DNAJC15: variants seen among roughly 807,000 people sequenced by gnomAD.
The protein encoded by DNAJC15 is DnaJ heat shock protein family (Hsp40) member C15, also known as dnaJ homolog subfamily C member 15.
A neutral mutation model predicts 22.4 loss-of-function variants in DNAJC15; 27 were observed. The observed-to-expected ratio is 1.20, with a 90% CI of 0.89 to 1.66. DNAJC15 has a LOEUF of 1.66. Ranked by LOEUF, DNAJC15 falls within the 40% of genes most tolerant of loss-of-function variation. DNAJC15 has a pLI of 0.00. For missense variants in DNAJC15, 208 were observed against 187.1 expected, an observed-to-expected ratio of 1.11 and a Z score of -0.65; for synonymous variants, 79 against 63.2, an observed-to-expected ratio of 1.25 and a Z score of -1.19.
intron 2 of DNAJC15, 41 bp from the exon 3 acceptor site, chr13:43,068,882 ATTTTGAT>A: frequency 1.3e-6 from 2 of 1,531,924 alleles, no homozygotes; most frequent in Non-Finnish European, 1.8e-6. Flanking sequence ...GTGTTGATTG[ATTTTGAT>A]TATAGAAAAT....
At chr13:43,040,250 T>C (rs1272762133) in intron 1 of DNAJC15, among the ~76,000 whole-genome samples, 2 of 152,228 alleles carry the variant, frequency 1.3e-5, no homozygotes, top group African/African-American at 2.4e-5. Flanking sequence ...AGCAAAGATA[T>C]AGAGCCTGCT....
At chr13:43,039,235 T>G (rs1421123160) in intron 1 of DNAJC15, among the ~76,000 whole-genome samples, 2 of 152,196 alleles carry the variant, frequency 1.3e-5, no homozygotes, top group African/African-American at 4.8e-5. Context: ...AATGTGGGTT[T>G]TGGCTAATGT....
chr13:43,075,297 C>A (rs1260154211), intron 3 of DNAJC15, among the ~76,000 whole-genome samples: 1 of 152,126 alleles, frequency 6.6e-6, no homozygotes, highest in Non-Finnish European at 1.5e-5. Flanking sequence ...TCTACCTGGG[C>A]AAAACTGAAA....
At chr13:43,041,093 TGTC>T (rs1304749957) in intron 1 of DNAJC15, among the ~76,000 whole-genome samples, 1 of 152,060 alleles carries the variant, frequency 6.6e-6, no homozygotes, top group African/African-American at 2.4e-5. Context: ...CCTTTACAGG[TGTC>T]GGGCTGGGGG....
At chr13:43,093,278 A>G (rs1215382507) in intron 5 of DNAJC15, among the ~76,000 whole-genome samples, 3 of 152,092 alleles carry the variant, frequency 2.0e-5, no homozygotes, top group Non-Finnish European at 2.9e-5. Flanking sequence ...TTTGAATGCC[A>G]TACATTTTGT....
rs57085120 is a variant in DNAJC15, at chr13:43,107,524, TACAC to T, written c.*305_*308del. On this transcript the variant is annotated 3_prime_UTR_variant, in exon 6 of 6. Coordinates refer to ENST00000379221, the MANE Select transcript of DNAJC15 (RefSeq NM_013238.3). Reference sequence around the variant, plus strand: ...TTTTGTTATGTTCTGAATTCCCCCCTACACACACACACACACACACACACACACA... The same window carrying T: ...TTTTGTTATGTTCTGAATTCCCCCCTACACACACACACACACACACACACA... The T allele has an allele frequency of 0.17, 26,946 of 161,398 alleles. 2,197 individuals are homozygous for T. The highest frequency in any genetic ancestry group is 0.25 in the East Asian group (1,533 of 6,128). The allele number at this position is 161,398 out of a possible 1,614,324, so 10.0% of individuals were successfully genotyped here. A position where few individuals can be genotyped will look rare whatever the true frequency, so the allele number is the denominator to read the frequency against.
intron 5 of DNAJC15, among the ~76,000 whole-genome samples, chr13:43,091,524 A>G (rs771726803): frequency 3.3e-5 from 5 of 152,156 alleles, no homozygotes; most frequent in Non-Finnish European, 7.3e-5. Flanking sequence ...ATGGGTTCAT[A>G]ATATCTTCTT....
At chr13:43,046,883 G>C (rs898980148) in intron 1 of DNAJC15, among the ~76,000 whole-genome samples, 3 of 147,870 alleles carry the variant, frequency 2.0e-5, no homozygotes, top group African/African-American at 8.0e-5. Context: ...GGTGCACATT[G>C]CCGCACCTGA....
chr13:43,034,305 C>CT (rs753362468), intron 1 of DNAJC15, among the ~76,000 whole-genome samples: 2,137 of 60,570 alleles, frequency 0.035, 721 homozygotes, highest in African/African-American at 0.13. Flanking sequence ...GAGATTTGTC[C>CT]TTTTTTTTTT....
At chr13:43,079,289 A>G (rs963169062) in intron 4 of DNAJC15, among the ~76,000 whole-genome samples, 1 of 152,320 alleles carries the variant, frequency 6.6e-6, no homozygotes, top group South Asian at 2.1e-4. Context: ...TGGTTACAGT[A>G]TGTCATGTAC....
At position 43,044,447 on chromosome 13, in the gene DNAJC15, A is replaced by G. The variant is rs578039733; in HGVS notation, c.108+20713A>G. ...AGAAAGTAAGTCCAAAAGAGAGTTCATGACATACCCTTTCTCTGCCACAGA... is the reference window on the plus strand; with the variant it reads ...AGAAAGTAAGTCCAAAAGAGAGTTCGTGACATACCCTTTCTCTGCCACAGA... On this transcript the variant is annotated intron_variant, in intron 1 of 5. Transcript: ENST00000379221. Among the ~76,000 whole-genome samples, 6 of 152,300 alleles carry G rather than the reference A, an allele frequency of 3.9e-5. No individual in the cohort carries two copies. The East Asian group carries it at 7.7e-4, about 20-fold the overall frequency.
At chr13:43,025,978 A>G (rs2040379003) in intron 1 of DNAJC15, among the ~76,000 whole-genome samples, 1 of 152,228 alleles carries the variant, frequency 6.6e-6, no homozygotes, top group Non-Finnish European at 1.5e-5. Context: ...ACATTAGAAA[A>G]CATAATGAAG....
intron 1 of DNAJC15, among the ~76,000 whole-genome samples, chr13:43,048,975 TA>T (rs747581524): frequency 1.5e-3 from 220 of 142,926 alleles, no homozygotes; most frequent in Non-Finnish European, 3.1e-3. Flanking sequence ...TTTAAAGAAT[TA>T]AAAAAAAAGC....
intron 4 of DNAJC15, among the ~76,000 whole-genome samples, chr13:43,079,632 C>G (rs1042387156): frequency 3.3e-5 from 5 of 152,098 alleles, no homozygotes; most frequent in Non-Finnish European, 7.4e-5. Context: ...TAATATCATT[C>G]AGAATGGCAT....
rs559216716 is a variant in DNAJC15 at position 43,107,628 on chromosome 13, G to A, written c.*380G>A. On this transcript the variant is annotated 3_prime_UTR_variant, in exon 6 of 6. Transcript: ENST00000379221. ...AGTAGACCTCTTATTGTTTATATTTGTACCCTCATTGTCAATTTTTTTTTA... is the reference window on the plus strand; with the variant it reads ...AGTAGACCTCTTATTGTTTATATTTATACCCTCATTGTCAATTTTTTTTTA... 3.2e-5 allele frequency: 5 copies of A among 154,810 alleles called. No homozygotes were observed. The highest frequency in any genetic ancestry group is 1.3e-4 in the Admixed American group (2 of 15,328). The allele number at this position is 154,810 out of a possible 1,614,324, so 9.6% of individuals were successfully genotyped here.
rs567171983 is a variant in DNAJC15 at position 43,028,851 on chromosome 13, T to C, written c.108+5117T>C. Among the ~76,000 whole-genome samples, 5 of 152,316 alleles carry C rather than the reference T, an allele frequency of 3.3e-5. No individual in the cohort carries two copies. The South Asian group carries it at 1.0e-3, about 32-fold the overall frequency. ...CTAGTAGGAGAAAATTGTTTTATAC[T>C]GTGTGTTTCCTTAGGAAGTTGCACA... On this transcript the variant is annotated intron_variant, in intron 1 of 5. Coordinates refer to ENST00000379221, the MANE Select transcript of DNAJC15 (RefSeq NM_013238.3).
chr13:43,077,100 A>G (rs60090617), intron 3 of DNAJC15, among the ~76,000 whole-genome samples: 2,606 of 152,322 alleles, frequency 0.017, 92 homozygotes, highest in East Asian at 0.11. Flanking sequence ...TGACTCTCAA[A>G]TGTAAAGTCT....
intron 1 of DNAJC15, among the ~76,000 whole-genome samples, chr13:43,042,965 T>A (rs1593312065): frequency 6.6e-6 from 1 of 152,244 alleles, no homozygotes; most frequent in East Asian, 1.9e-4. Context: ...AAGCCAAATA[T>A]GCAACCTGGT....
intron 1 of DNAJC15, among the ~76,000 whole-genome samples, chr13:43,054,187 G>A (rs1412495857): frequency 3.3e-5 from 5 of 152,102 alleles, no homozygotes; most frequent in African/African-American, 9.7e-5. Context: ...TTCCACTTCT[G>A]TTTAGTATAT....
Sources: allele counts gnomAD v4.1 joint callset (sites outside exome capture counted in the v4.1 genomes callset), GRCh38; gene constraint gnomAD v4.1.1; transcripts MANE v1.5; gene names NCBI Gene and HGNC (gene_info 2026-07-23, HGNC 2026-07-21).